COL4A5: variants seen among roughly 807,000 people sequenced by gnomAD.
The protein encoded by COL4A5 is collagen type IV alpha 5 chain.
A neutral mutation model predicts 130.2 loss-of-function variants in COL4A5; 26 were observed. The observed-to-expected ratio is 0.20, with a 90% CI of 0.15 to 0.28. The LOEUF (loss-of-function observed/expected upper bound fraction) is 0.28. Among genes scored for constraint, COL4A5 ranks in the 10% least tolerant of loss-of-function variants. COL4A5 has a pLI of 1.00. For missense variants in COL4A5, 1,131 were observed against 1,344.3 expected (o/e 0.84, Z 2.48); for synonymous variants, 496 against 439.6 (o/e 1.13, Z -1.60).
chrX:108,566,133 G>C (rs1441778918), intron 4 of COL4A5, among the ~76,000 whole-genome samples: 6 of 109,984 alleles, frequency 5.5e-5, no homozygotes, highest in Admixed American at 3.9e-4. Flanking sequence ...GCAAGATGCT[G>C]ATTTTTAAAA....
chrX:108,642,751 A>T (rs2147907724), intron 36 of COL4A5, among the ~76,000 whole-genome samples: 1 of 108,064 alleles, frequency 9.3e-6, no homozygotes, highest in East Asian at 2.9e-4. Flanking sequence ...CTTCAGCCCT[A>T]GACCTACCCT....
intron 3 of COL4A5, among the ~76,000 whole-genome samples, chrX:108,560,493 C>T (rs754373025): frequency 6.2e-5 from 7 of 112,621 alleles, no homozygotes; most frequent in Admixed American, 2.8e-4. Context: ...AGACAGGTTG[C>T]GGACAACCTT....
intron 1 of COL4A5, among the ~76,000 whole-genome samples, chrX:108,517,438 T>G: frequency 8.9e-6 from 1 of 112,017 alleles, no homozygotes; most frequent in East Asian, 2.8e-4. Context: ...TTTTAATCCA[T>G]TACTCATTTG....
intron 52 of COL4A5, chrX:108,695,724 T>A (rs2068722760): frequency 3.2e-6 from 1 of 316,740 alleles, no homozygotes; most frequent in East Asian, 6.7e-5. Context: ...CAGCAGCTGT[T>A]CAACTAGATT....
chrX:108,501,225 A>G (rs1044425210), intron 1 of COL4A5, among the ~76,000 whole-genome samples: 2 of 111,623 alleles, frequency 1.8e-5, no homozygotes, highest in African/African-American at 6.5e-5. Flanking sequence ...GAGAATCACT[A>G]TTATCTAGTG....
In COL4A5 at chrX:108,495,758, TTCCCA is replaced by T. The variant is rs1344288701; in HGVS notation, c.82-43987_82-43983del. On this transcript the variant is annotated intron_variant, in intron 1 of 52. Transcript: ENST00000328300. ...GTTCTATGGATATCAGTCAGTCTCT[TTCCCA>T]ACCACTCCTGTCAGTGCCCAATGGG... Among the ~76,000 whole-genome samples the T allele has an allele frequency of 6.2e-5, 7 of 112,240 alleles. No homozygotes were observed. In the East Asian group the frequency reaches 1.7e-3, roughly 27 times the overall value.
At chrX:108,573,701 A>G (rs1359371449) in intron 9 of COL4A5, 47 bp downstream of exon 9, 1 of 878,080 alleles carries the variant, frequency 1.1e-6, no homozygotes, top group East Asian at 3.1e-5. Context: ...ATTAAACCAG[A>G]AGATTACAAC....
At chrX:108,679,686 C>T (rs2068384469) in intron 44 of COL4A5, among the ~76,000 whole-genome samples, 1 of 110,701 alleles carries the variant, frequency 9.0e-6, no homozygotes, top group Non-Finnish European at 1.9e-5. Context: ...CAATAGCCTC[C>T]TATATGATCT....
chrX:108,574,340 T>C (rs1652863267), intron 9 of COL4A5, among the ~76,000 whole-genome samples: 1 of 111,988 alleles, frequency 8.9e-6, no homozygotes, highest in Non-Finnish European at 1.9e-5. Flanking sequence ...TAAAATTCAC[T>C]CAATCTTGCC....
Position 108,687,605 on chromosome X carries a change from C to A in COL4A5, c.4439C>A (p.Pro1480Gln). ...CGCCACAGCCAGACAACGGATGCACCACAATGCCCACAGGGAACACTTCAG... is the reference window on the plus strand; with the variant it reads ...CGCCACAGCCAGACAACGGATGCACAACAATGCCCACAGGGAACACTTCAG... ...ITRHSQTTDA[P>Q]QCPQGTLQVY... The change falls in exon 49 of 53, where the codon CCA becomes CAA. Residue 1480 changes from proline to glutamine, a missense_variant. Physicochemically the swap from Pro to Gln is moderately conservative, Grantham distance 76. Coordinates refer to ENST00000328300, the MANE Select transcript of COL4A5 (RefSeq NM_033380.3). 1 of 1,211,265 alleles carries A rather than the reference C, an allele frequency of 8.3e-7. No individual in the cohort carries two copies. The highest frequency in any genetic ancestry group is 1.1e-6 in the Non-Finnish European group (1 of 895,210).
Position 108,439,945 on chromosome X carries a change from C to CCTT in COL4A5, c.-168_-166dup, listed in dbSNP as rs546815968. ...GGGGAGGGGGGAAGGAAGAGTAGCT[C>CCTT]CTTCTTCTTCTTCTTTTTTTTTTCT... is the stretch of plus-strand genomic sequence containing the variant. On this transcript the variant is annotated 5_prime_UTR_variant, in exon 1 of 53. Transcript: ENST00000328300. 6 of 439,156 alleles carry CCTT rather than the reference C, an allele frequency of 1.4e-5. No homozygotes were observed. Among genetic ancestry groups the CCTT allele is most frequent in the Non-Finnish European group, 2.4e-5 (6 of 253,345 alleles). 36.2% of individuals were successfully genotyped at this position (439,156 alleles called of 1,213,427 possible). A position where few individuals can be genotyped will look rare whatever the true frequency, so the allele number is the denominator to read the frequency against.
At chrX:108,477,771 G>A (rs1352636686) in intron 1 of COL4A5, among the ~76,000 whole-genome samples, 5 of 102,066 alleles carry the variant, frequency 4.9e-5, no homozygotes, top group East Asian at 3.1e-4. Context: ...AGCTGAGATC[G>A]CGCCACTGCA....
At position 108,624,013 on chromosome X, in the gene COL4A5, G is replaced by A. The variant is rs181985256; in HGVS notation, c.2918-223G>A. Among the ~76,000 whole-genome samples the A allele has an allele frequency of 1.6e-3, 177 of 111,799 alleles. 3 individuals carry two copies. Among genetic ancestry groups the A allele is most frequent in the Admixed American group, 0.013 (138 of 10,512 alleles). On this transcript the variant is annotated intron_variant, in intron 33 of 52. Coordinates refer to ENST00000328300, the MANE Select transcript of COL4A5 (RefSeq NM_033380.3). ...TGTAAGAAAATGAGGCCCAAAATAGGAAAGTGATTTCACTACTGAGTGCTC... is the reference window on the plus strand; with the variant it reads ...TGTAAGAAAATGAGGCCCAAAATAGAAAAGTGATTTCACTACTGAGTGCTC...
chrX:108,517,647 T>C (rs2065231527), intron 1 of COL4A5, among the ~76,000 whole-genome samples: 1 of 111,489 alleles, frequency 9.0e-6, no homozygotes, highest in Non-Finnish European at 1.9e-5. Context: ...ACTGGAAAAC[T>C]GCTAATTCTA....
At chrX:108,499,755 C>A (rs7876176) in intron 1 of COL4A5, among the ~76,000 whole-genome samples, 1 of 110,820 alleles carries the variant, frequency 9.0e-6, no homozygotes. Flanking sequence ...GTAACTAGTC[C>A]CCTACATAAC....
At chrX:108,672,369 G>A (rs187910417) in intron 42 of COL4A5, among the ~76,000 whole-genome samples, 148 of 111,696 alleles carry the variant, frequency 1.3e-3, no homozygotes, top group African/African-American at 4.7e-3. Context: ...AAGAAAAGTA[G>A]CCACATTCCT....
At chrX:108,534,651 G>T (rs1335254140) in intron 1 of COL4A5, among the ~76,000 whole-genome samples, 2 of 111,129 alleles carry the variant, frequency 1.8e-5, no homozygotes, top group Non-Finnish European at 3.8e-5. Context: ...ATGTCATTCC[G>T]TGGTCTTCTG....
At chrX:108,629,470 C>G (rs917508657) in intron 36 of COL4A5, among the ~76,000 whole-genome samples, 1 of 109,869 alleles carries the variant, frequency 9.1e-6, no homozygotes, top group East Asian at 2.9e-4. Context: ...AAGAAATGGG[C>G]AGATTTTGAA....
chrX:108,533,789 A>G (rs965859515), intron 1 of COL4A5, among the ~76,000 whole-genome samples: 5 of 111,207 alleles, frequency 4.5e-5, no homozygotes, highest in Admixed American at 1.9e-4. Flanking sequence ...TTTATCTGAC[A>G]GGGGACTAAT....
Sources: gnomAD v4.1 joint callset for allele counts (sites outside exome capture counted in the v4.1 genomes callset) on GRCh38, gnomAD v4.1.1 for gene constraint, MANE v1.5 for transcripts, NCBI Gene and HGNC (gene_info 2026-07-23, HGNC 2026-07-21) for gene names.